Variants in DIAPH2 observed in about 807,000 individuals in gnomAD.
DIAPH2 encodes the protein protein diaphanous homolog 2.
Under a neutral mutation model 92.7 loss-of-function variants are expected in DIAPH2, and 35 were observed. That is an observed-to-expected ratio of 0.38 (90% confidence interval 0.29 to 0.50). The LOEUF (loss-of-function observed/expected upper bound fraction) is 0.50. Ranked by LOEUF, DIAPH2 falls within the 20% of genes least tolerant of loss-of-function variation. DIAPH2 has a pLI of 0.94. For missense variants in DIAPH2, 701 were observed against 819.5 expected, an observed-to-expected ratio of 0.86 and a Z score of 1.77; for synonymous variants, 301 against 280.4, an observed-to-expected ratio of 1.07 and a Z score of -0.73.
At chrX:96,981,172 C>CA (rs763060858) in intron 17 of DIAPH2, among the ~76,000 whole-genome samples, 35 of 106,160 alleles carry the variant, frequency 3.3e-4, no homozygotes, top group Non-Finnish European at 4.8e-4. Context: ...AACCCTATCT[C>CA]GGGAAAAAAA....
At chrX:96,986,892 TTC>T (rs1178163859) in intron 17 of DIAPH2, among the ~76,000 whole-genome samples, 5 of 111,579 alleles carry the variant, frequency 4.5e-5, no homozygotes, top group Non-Finnish European at 7.6e-5. Context: ...CTAACCAATG[TTC>T]AGAATTTGCT....
rs1205369221 is a variant in DIAPH2, at chrX:97,114,973, G to A, written c.2589+8G>A. On this transcript the variant is annotated splice_region_variant and intron_variant, in intron 21 of 26. Coordinates refer to ENST00000324765, the MANE Select transcript of DIAPH2 (RefSeq NM_006729.5). ...ATCAACTTCCTTTGTAAGGTAAGAT[G>A]ACATTTTATAATGCTAATTTACAAC... 12 of 1,153,272 alleles carry A rather than the reference G, an allele frequency of 1.0e-5. No homozygotes were observed. Among genetic ancestry groups the A allele is most frequent in the Admixed American group, 5.1e-5 (2 of 38,969 alleles).
intron 17 of DIAPH2, among the ~76,000 whole-genome samples, chrX:97,039,128 A>G (rs2066431360): frequency 9.0e-6 from 1 of 111,352 alleles, no homozygotes; most frequent in Non-Finnish European, 1.9e-5. Context: ...TTGATGGGTG[A>G]AAAACTGTAT....
Position 97,555,070 on chromosome X carries a change from TAA to T in DIAPH2, c.3242-44169_3242-44168del, listed in dbSNP as rs5903086. Reference sequence around the variant, plus strand: ...TTAGCCAAGGGTTTCCTGAAGAGATTAAAAAAAAAAAAAAACAGGCTGGTGGA... The same window carrying T: ...TTAGCCAAGGGTTTCCTGAAGAGATTAAAAAAAAAAAAACAGGCTGGTGGA... On this transcript the variant is annotated intron_variant, in intron 26 of 26. Transcript: ENST00000324765. 3.4e-3 allele frequency among the ~76,000 whole-genome samples: 336 copies of T among 98,823 alleles called. 1 individual carries two copies. Among genetic ancestry groups the T allele is most frequent in the African/African-American group, 7.5e-3 (205 of 27,306 alleles). 85.8% of individuals were successfully genotyped at this position (98,823 alleles called of 115,157 possible).
chrX:96,764,987 C>T (rs778626876), intron 4 of DIAPH2, among the ~76,000 whole-genome samples: 1 of 110,947 alleles, frequency 9.0e-6, no homozygotes, highest in South Asian at 3.8e-4. Context: ...TTAGTTCAGA[C>T]TGTCATCATT....
intron 22 of DIAPH2, among the ~76,000 whole-genome samples, chrX:97,201,488 C>G (rs2067749876): frequency 9.3e-6 from 1 of 107,811 alleles, no homozygotes; most frequent in African/African-American, 3.4e-5. Context: ...CCTGATGGAG[C>G]TGAAAAACAC....
At chrX:97,392,460 T>C (rs745786463) in intron 25 of DIAPH2, among the ~76,000 whole-genome samples, 1 of 111,883 alleles carries the variant, frequency 8.9e-6, no homozygotes, top group Non-Finnish European at 1.9e-5. Context: ...GATTATTTGC[T>C]CTTTAACTCT....
At chrX:96,848,214 A>C (rs775183977) in intron 4 of DIAPH2, among the ~76,000 whole-genome samples, 16 of 110,141 alleles carry the variant, frequency 1.5e-4, no homozygotes, top group Non-Finnish European at 2.8e-4. Flanking sequence ...CAATTTAAAA[A>C]ATTTTTTTGT....
At chrX:97,294,190 G>C (rs2068624154) in intron 23 of DIAPH2, among the ~76,000 whole-genome samples, 1 of 111,834 alleles carries the variant, frequency 8.9e-6, no homozygotes, top group African/African-American at 3.2e-5. Context: ...TTAAGTAATA[G>C]ACAGCCCCTG....
chrX:97,085,002 G>C (rs1433924420), intron 19 of DIAPH2, among the ~76,000 whole-genome samples: 1 of 111,558 alleles, frequency 9.0e-6, no homozygotes, highest in African/African-American at 3.3e-5. Context: ...AGCTTTCAAT[G>C]CTTGTATTAT....
At chrX:96,685,830 G>A (rs1293928383) in intron 1 of DIAPH2, among the ~76,000 whole-genome samples, 1 of 111,818 alleles carries the variant, frequency 8.9e-6, no homozygotes, top group African/African-American at 3.3e-5. Context: ...TGTCGAGTGT[G>A]TGTAATAGGC....
intron 15 of DIAPH2, among the ~76,000 whole-genome samples, chrX:96,950,225 T>C (rs1012518904): frequency 9.0e-6 from 1 of 111,308 alleles, no homozygotes; most frequent in African/African-American, 3.3e-5. Context: ...CTTTTTTGTG[T>C]ATATTTTTGC....
chrX:97,340,706 A>T (rs1243693711), intron 23 of DIAPH2, among the ~76,000 whole-genome samples: 1 of 96,964 alleles, frequency 1.0e-5, no homozygotes, highest in Non-Finnish European at 2.0e-5. Flanking sequence ...CTCAGGCTGG[A>T]GTGCAGTGGC....
chrX:97,150,004 T>A (rs1048827189), intron 22 of DIAPH2, among the ~76,000 whole-genome samples: 26 of 110,377 alleles, frequency 2.4e-4, no homozygotes, highest in Non-Finnish European at 3.2e-4. Flanking sequence ...GTCACAGAAT[T>A]TTTTTTTATT....
chrX:96,987,355 T>G (rs1602692064), intron 17 of DIAPH2, among the ~76,000 whole-genome samples: 1 of 111,671 alleles, frequency 9.0e-6, no homozygotes, highest in Non-Finnish European at 1.9e-5. Flanking sequence ...ATTCAACAAA[T>G]ATGTATTGAA....
chrX:97,016,696 G>C (rs1250389595), intron 17 of DIAPH2, among the ~76,000 whole-genome samples: 1 of 112,189 alleles, frequency 8.9e-6, no homozygotes, highest in African/African-American at 3.2e-5. Flanking sequence ...TGCTCAAAAG[G>C]AGCTGCCCAA....
chrX:97,448,113 T>C (rs1038067645), intron 26 of DIAPH2, among the ~76,000 whole-genome samples: 1 of 112,105 alleles, frequency 8.9e-6, no homozygotes, highest in Non-Finnish European at 1.9e-5. Flanking sequence ...ATTTGAATCT[T>C]TTGTGCTTGT....
rs1323529005 is a variant in DIAPH2, at chrX:97,251,932, A to G, written c.2844+4093A>G. 2.7e-5 allele frequency among the ~76,000 whole-genome samples: 3 copies of G among 111,654 alleles called. No individual in the cohort carries two copies. The East Asian group carries it at 8.5e-4, about 32-fold the overall frequency. ...TCAGCTCAAAGTATTCAGCATGCCAAGGTAGCGTACTTCCAGATATTGTGT... is the reference window on the plus strand; with the variant it reads ...TCAGCTCAAAGTATTCAGCATGCCAGGGTAGCGTACTTCCAGATATTGTGT... On this transcript the variant is annotated intron_variant, in intron 23 of 26. Transcript: ENST00000324765.
chrX:97,435,951 G>C (rs1473462509), intron 26 of DIAPH2, among the ~76,000 whole-genome samples: 1 of 109,450 alleles, frequency 9.1e-6, no homozygotes, highest in Non-Finnish European at 1.9e-5. Context: ...GGGACTACAG[G>C]GCCTGCCACC....
Sources: gnomAD v4.1 joint callset for allele counts (sites outside exome capture counted in the v4.1 genomes callset) on GRCh38, gnomAD v4.1.1 for gene constraint, MANE v1.5 for transcripts, NCBI Gene and HGNC (gene_info 2026-07-23, HGNC 2026-07-21) for gene names.